Variants in SPRED1 observed in about 807,000 individuals in gnomAD.
SPRED1 encodes the protein sprouty-related, EVH1 domain-containing protein 1.
A neutral mutation model predicts 52.3 loss-of-function variants in SPRED1; 18 were observed. The observed-to-expected ratio is 0.34, with a 90% CI of 0.24 to 0.51. The LOEUF is 0.51. SPRED1 is among the 20% of genes least tolerant of loss of function. SPRED1 has a pLI of 0.97. For missense variants in SPRED1, 485 were observed against 551.0 expected (o/e 0.88, Z 1.20); for synonymous variants, 155 against 179.7 (o/e 0.86, Z 1.10).
intron 1 of SPRED1, among the ~76,000 whole-genome samples, chr15:38,272,425 C>T (rs769246362): frequency 2.0e-5 from 3 of 151,994 alleles, no homozygotes; most frequent in Non-Finnish European, 4.4e-5. Context: ...CCAACCACCA[C>T]GCCCAGCTAA....
At chr15:38,317,301 C>T (rs1280210146) in intron 2 of SPRED1, among the ~76,000 whole-genome samples, 1 of 151,790 alleles carries the variant, frequency 6.6e-6, no homozygotes, top group Non-Finnish European at 1.5e-5. Context: ...TATTTATTTC[C>T]TTTTGCACCA....
At chr15:38,323,469 A>G (rs1027676100) in intron 3 of SPRED1, among the ~76,000 whole-genome samples, 5 of 152,112 alleles carry the variant, frequency 3.3e-5, no homozygotes, top group Non-Finnish European at 2.9e-5. Flanking sequence ...GAAGCTTAAA[A>G]TGACTAGTCT....
At chr15:38,316,748 G>GTTTTTTTT (rs1555390721) in intron 2 of SPRED1, among the ~76,000 whole-genome samples, 2 of 41,898 alleles carry the variant, frequency 4.8e-5, no homozygotes, top group African/African-American at 9.4e-5. Flanking sequence ...TCCATTATAT[G>GTTTTTTTT]TTTTTTTTTT....
chr15:38,274,285 C>T (rs563925156), intron 1 of SPRED1, among the ~76,000 whole-genome samples: 1 of 152,236 alleles, frequency 6.6e-6, no homozygotes, highest in East Asian at 1.9e-4. Flanking sequence ...TTTCTTCCCA[C>T]AGACTGGAAG....
At chr15:38,280,134 G>T (rs928636787) in intron 1 of SPRED1, among the ~76,000 whole-genome samples, 3 of 152,108 alleles carry the variant, frequency 2.0e-5, no homozygotes, top group Non-Finnish European at 4.4e-5. Context: ...AAAGGGAAAT[G>T]ATTTGTTTGG....
chr15:38,314,069 A>G (rs1483458965), intron 2 of SPRED1, among the ~76,000 whole-genome samples: 1 of 151,898 alleles, frequency 6.6e-6, no homozygotes, highest in Non-Finnish European at 1.5e-5. Flanking sequence ...CTATGCAATA[A>G]CAGTTATATT....
chr15:38,274,889 A>G (rs991285472), intron 1 of SPRED1, among the ~76,000 whole-genome samples: 5 of 152,232 alleles, frequency 3.3e-5, no homozygotes, highest in Non-Finnish European at 5.9e-5. Flanking sequence ...TCAGTTCAAC[A>G]GGTGGATGGT....
rs147547509 is a variant in SPRED1, at chr15:38,352,241, G to GATATATAT, written c.*588_*595dup. On this transcript the variant is annotated 3_prime_UTR_variant, in exon 7 of 7. Coordinates refer to ENST00000299084, the MANE Select transcript of SPRED1 (RefSeq NM_152594.3). ...TCTTCCCCTTCCTAGTTCTGAAGTA[G>GATATATAT]ATATATATATATATATATCTACTGT... 494 of 148,640 alleles carry GATATATAT rather than the reference G, an allele frequency of 3.3e-3. 1 individual carries two copies. The highest frequency in any genetic ancestry group is 4.9e-3 in the Admixed American group (73 of 14,910). 9.2% of individuals were successfully genotyped at this position (148,640 alleles called of 1,614,324 possible).
chr15:38,349,372 T>C, intron 5 of SPRED1, 50 bp from the exon 6 acceptor site: 1 of 1,418,434 alleles, frequency 7.1e-7, no homozygotes. Flanking sequence ...TACAGTTTCA[T>C]TAAAAGTAAA....
At chr15:38,270,832 T>C (rs1439744936) in intron 1 of SPRED1, among the ~76,000 whole-genome samples, 1 of 152,218 alleles carries the variant, frequency 6.6e-6, no homozygotes, top group Non-Finnish European at 1.5e-5. Context: ...ATATACTAAT[T>C]AGTATACTAA....
intron 2 of SPRED1, 84 bp from the exon 3 acceptor site, chr15:38,322,154 CGTT>C: frequency 7.9e-7 from 1 of 1,262,290 alleles, no homozygotes; most frequent in East Asian, 2.3e-5. Flanking sequence ...AAAGTAATAG[CGTT>C]GTATCACCTC....
At chr15:38,256,520 C>T (rs966185897) in intron 1 of SPRED1, among the ~76,000 whole-genome samples, 1 of 152,080 alleles carries the variant, frequency 6.6e-6, no homozygotes, top group Non-Finnish European at 1.5e-5. Context: ...AAGCATTTGG[C>T]TTATTAGGTT....
At chr15:38,270,143 G>A (rs1333702794) in intron 1 of SPRED1, among the ~76,000 whole-genome samples, 2 of 152,106 alleles carry the variant, frequency 1.3e-5, no homozygotes, top group Non-Finnish European at 1.5e-5. Context: ...CCGACCTCAG[G>A]TGATCTGCCT....
chr15:38,334,985 A>G (rs939351044), intron 4 of SPRED1, among the ~76,000 whole-genome samples: 1 of 151,970 alleles, frequency 6.6e-6, no homozygotes, highest in African/African-American at 2.4e-5. Context: ...AACATTGAGT[A>G]TTACTACCTA....
At chr15:38,297,186 A>G (rs906679003) in intron 1 of SPRED1, among the ~76,000 whole-genome samples, 5 of 152,252 alleles carry the variant, frequency 3.3e-5, no homozygotes, top group African/African-American at 1.2e-4. Context: ...CACAAAATGT[A>G]CAGAGACAGT....
rs1406652043 is a variant in SPRED1 at position 38,336,388 on chromosome 15, G to GTGTGTC, written c.424-3344_424-3343insCTGTGT. ...ATGAGTGGATAAAGAAAATGTGTGT[G>GTGTGTC]TGTGTGTGTGTGTGTGTGTATGTGT... On this transcript the variant is annotated intron_variant, in intron 4 of 6. Coordinates refer to ENST00000299084, the MANE Select transcript of SPRED1 (RefSeq NM_152594.3). Among the ~76,000 whole-genome samples the GTGTGTC allele has an allele frequency of 3.1e-4, 19 of 61,804 alleles. No homozygotes were observed. The Admixed American group carries it at 4.1e-3, about 13-fold the overall frequency. The allele number at this position is 61,804 out of a possible 152,430, so 40.5% of individuals were successfully genotyped here.
chr15:38,339,934 T>G, intron 5 of SPRED1, 39 bp downstream of exon 5: 8 of 1,612,880 alleles, frequency 5.0e-6, no homozygotes, highest in Non-Finnish European at 6.8e-6. Context: ...GTTGTTTATA[T>G]GTGTAGAAAT....
At chr15:38,303,553 A>T (rs1895191340) in intron 2 of SPRED1, among the ~76,000 whole-genome samples, 1 of 152,292 alleles carries the variant, frequency 6.6e-6, no homozygotes, top group South Asian at 2.1e-4. Flanking sequence ...ACAGCTTAAG[A>T]TTTTTTAAGT....
rs528616135 is a variant in SPRED1 at position 38,319,209 on chromosome 15, G to A, written c.208-3032G>A. 1.6e-4 allele frequency among the ~76,000 whole-genome samples: 24 copies of A among 152,124 alleles called. 1 individual carries two copies. In the Middle Eastern group the frequency reaches 0.017, roughly 108 times the overall value. On this transcript the variant is annotated intron_variant, in intron 2 of 6. Coordinates refer to ENST00000299084, the MANE Select transcript of SPRED1 (RefSeq NM_152594.3). The stretch of plus-strand genomic sequence containing the variant: ...GCTTTTCCCACTGTTTATGAATATA[G>A]TATAAATGTTGCAGTAATTTATGAC...
Sources: gnomAD v4.1 joint callset for allele counts (sites outside exome capture counted in the v4.1 genomes callset) on GRCh38, gnomAD v4.1.1 for gene constraint, MANE v1.5 for transcripts, NCBI Gene and HGNC (gene_info 2026-07-23, HGNC 2026-07-21) for gene names.